The following CCDC180 variants were observed in gnomAD, a reference collection of about 807,000 sequenced individuals.
CCDC180 encodes the protein coiled-coil domain containing 180, also known as coiled-coil domain-containing protein 180.
CCDC180 carries 154 observed loss-of-function variants against 209.2 expected under a neutral mutation model. The observed-to-expected ratio is 0.74, with a 90% CI of 0.65 to 0.84. CCDC180 has a LOEUF of 0.84. Ranked by LOEUF, CCDC180 falls within the 40% of genes least tolerant of loss-of-function variation. CCDC180 has a pLI of 0.00. For missense variants in CCDC180, 1,874 were observed against 1,997.3 expected (o/e 0.94, Z 1.18); for synonymous variants, 778 against 749.1 (o/e 1.04, Z -0.63).
chr9:97,330,040 C>G (rs1214574591), intron 16 of CCDC180, 114 bp from the exon 17 acceptor site: 1 of 904,138 alleles, frequency 1.1e-6, no homozygotes, highest in African/African-American at 1.8e-5. Context: ...TGCACTCCAG[C>G]CTTGGCAACA....
chr9:97,364,232 AG>A, intron 29 of CCDC180, 104 bp downstream of exon 29: 2 of 1,059,380 alleles, frequency 1.9e-6, no homozygotes, highest in Non-Finnish European at 2.8e-6. Flanking sequence ...GGGGAAAGGC[AG>A]GTCCAAGCAG....
intron 29 of CCDC180, 89 bp downstream of exon 29, chr9:97,364,217 A>C: frequency 7.9e-7 from 1 of 1,269,050 alleles, no homozygotes; most frequent in South Asian, 1.3e-5. Flanking sequence ...GGGAAAAATC[A>C]GAAAGGGGAA....
chr9:97,309,892 C>A (rs1022240176), intron 3 of CCDC180, among the ~76,000 whole-genome samples: 1 of 152,192 alleles, frequency 6.6e-6, no homozygotes, highest in Non-Finnish European at 1.5e-5. Flanking sequence ...GCACATCCCC[C>A]CAATGGCAGA....
In CCDC180 at chr9:97,366,169, G is replaced by A. The variant is rs1247991740; in HGVS notation, c.4048-390G>A. Among the ~76,000 whole-genome samples the A allele has an allele frequency of 6.6e-6, 1 of 152,244 alleles. No homozygotes were observed. On this transcript the variant is annotated intron_variant, in intron 30 of 36. Coordinates refer to ENST00000529487, the MANE Select transcript of CCDC180 (RefSeq NM_020893.6). The surrounding 1 kb of genome is among the most constrained non-coding windows in gnomAD (Gnocchi z 4.3). ...GCCTTCTCCTGTCTGCCTCCCACGG[G>A]TCTGTCTGCCTCCTTCAGGGCAGGG...
Position 97,322,926 on chromosome 9 carries a change from G to A in CCDC180, c.1248+5G>A, listed in dbSNP as rs759818917. On this transcript the variant is annotated splice_donor_5th_base_variant and intron_variant, in intron 12 of 36. Transcript: ENST00000529487. Reference sequence around the variant, plus strand: ...ATGCATGTGCAGAATTGTAAGGTGGGCACCCTTCCTGCAGGCCTGAGAAGA... The same window carrying A: ...ATGCATGTGCAGAATTGTAAGGTGGACACCCTTCCTGCAGGCCTGAGAAGA... The A allele has an allele frequency of 6.8e-6, 11 of 1,612,642 alleles. No individual in the cohort carries two copies. The highest frequency in any genetic ancestry group is 1.3e-5 in the African/African-American group (1 of 74,878).
At chr9:97,375,658 C>T (rs895776442) in intron 36 of CCDC180, 69 bp downstream of exon 36, 36 of 1,595,424 alleles carry the variant, frequency 2.3e-5, no homozygotes, top group South Asian at 1.0e-4. Context: ...GAAGGGGGAG[C>T]TTCCCATCAC....
chr9:97,330,179 A>G lies in CCDC180; in HGVS notation c.1814A>G (p.Lys605Arg), dbSNP rs1825691415. 6.2e-7 allele frequency: 1 copy of G among 1,613,950 alleles called. No homozygotes were observed. The highest frequency in any genetic ancestry group is 1.7e-5 in the Admixed American group (1 of 60,000). ...EQNLAGEVIF[K>R]FRQPEAHEKP... ...AACTTGGCTGGAGAAGTCATTTTCA[A>G]ATTCAGGCAACCAGGTAACACTTTT... is the stretch of plus-strand genomic sequence containing the variant. The change falls in exon 17 of 37, where the codon AAA becomes AGA. Residue 605 changes from lysine to arginine, a missense_variant. Coordinates refer to ENST00000529487, the MANE Select transcript of CCDC180 (RefSeq NM_020893.6).
chr9:97,368,496 C>T (rs960712947), intron 31 of CCDC180, among the ~76,000 whole-genome samples: 1 of 152,152 alleles, frequency 6.6e-6, no homozygotes, highest in Non-Finnish European at 1.5e-5. Context: ...TCTGTCCCTC[C>T]ATAAGACAGA....
At chr9:97,334,343 T>C (rs1825840086) in intron 18 of CCDC180, among the ~76,000 whole-genome samples, 1 of 152,228 alleles carries the variant, frequency 6.6e-6, no homozygotes, top group Admixed American at 6.5e-5. Context: ...GGACTTTACA[T>C]GGATTACATG....
intron 18 of CCDC180, among the ~76,000 whole-genome samples, chr9:97,331,644 AATG>A (rs1564156835): frequency 6.6e-6 from 1 of 152,102 alleles, no homozygotes. Context: ...GCATTTCTCT[AATG>A]ATTAGTGATG....
In CCDC180 at chr9:97,354,882, C is replaced by G. The variant is rs753937865; in HGVS notation, c.3148-10C>G. 4 of 1,600,304 alleles carry G rather than the reference C, an allele frequency of 2.5e-6. No individual in the cohort carries two copies. In the East Asian group the frequency reaches 8.9e-5, roughly 36 times the overall value. Reference sequence around the variant, plus strand: ...AGCCCCTGTCCTTTACCCTTTATCTCTCTGTACAGGCCAATGATGTCATCA... The same window carrying G: ...AGCCCCTGTCCTTTACCCTTTATCTGTCTGTACAGGCCAATGATGTCATCA... On this transcript the variant is annotated splice_polypyrimidine_tract_variant and intron_variant, in intron 23 of 36. Transcript: ENST00000529487.
chr9:97,324,316 C>T (rs1833456467), intron 13 of CCDC180, among the ~76,000 whole-genome samples: 1 of 152,210 alleles, frequency 6.6e-6, no homozygotes, highest in South Asian at 2.1e-4. Flanking sequence ...TCAGCTCCAC[C>T]AGTGCCACAC....
chr9:97,308,140 C>A lies in CCDC180; in HGVS notation c.69+8C>A. ...CAGATCTTCCAGGCTGAGGTAGGAG[C>A]CGCCCTCTGTCCCGCTTTTCTCCAT... On this transcript the variant is annotated splice_region_variant and intron_variant, in intron 2 of 36. Coordinates refer to ENST00000529487, the MANE Select transcript of CCDC180 (RefSeq NM_020893.6). The A allele has an allele frequency of 6.3e-7, 1 of 1,587,780 alleles. No individual in the cohort carries two copies. The highest frequency in any genetic ancestry group is 1.2e-5 in the South Asian group (1 of 86,504).
At chr9:97,310,278 C>T (rs1181609274) in intron 3 of CCDC180, among the ~76,000 whole-genome samples, 3 of 152,148 alleles carry the variant, frequency 2.0e-5, no homozygotes, top group Non-Finnish European at 4.4e-5. Flanking sequence ...AGCTGTGGGC[C>T]TCGGGTGTCT....
chr9:97,370,688 T>C lies in CCDC180; in HGVS notation c.4398T>C (p.His1466=). Residue 1466 remains histidine (H), a synonymous_variant, in exon 33 of 37, where the codon CAT becomes CAC. Coordinates refer to ENST00000529487, the MANE Select transcript of CCDC180 (RefSeq NM_020893.6). ...ATCTAAATCTTGGACACCCCGTACA[T>C]TTCCAAGAAATGGAGTCTCTACACT... ...KLHLNLGHPV[H]FQEMESLHLS... The C allele has an allele frequency of 6.2e-7, 1 of 1,614,112 alleles. No homozygotes were observed. Among genetic ancestry groups the C allele is most frequent in the Non-Finnish European group, 8.5e-7 (1 of 1,180,008 alleles).
intron 34 of CCDC180, chr9:97,371,945 T>C (rs376099590): frequency 1.3e-5 from 4 of 313,838 alleles, no homozygotes; most frequent in South Asian, 1.3e-4. Flanking sequence ...CTCTTGGGGT[T>C]AGGGATACCT....
Position 97,309,527 on chromosome 9 carries a change from G to A in CCDC180, c.183G>A (p.Glu61=). 1.2e-6 allele frequency: 2 copies of A among 1,601,778 alleles called. No homozygotes were observed. The highest frequency in any genetic ancestry group is 8.5e-7 in the Non-Finnish European group (1 of 1,174,616). The stretch of plus-strand genomic sequence containing the variant: ...AGAAGGTGGAGACTCCTGAAGGGGA[G>A]GTGATGTCTCCCCGACAGCAGAAGT... ...MMKKVETPEG[E]VMSPRQQKWM... The change falls in exon 3 of 37, where the codon GAG becomes GAA. Residue 61 remains glutamate, a synonymous_variant. Transcript: ENST00000529487.
At chr9:97,315,156 C>T (rs1833124678) in intron 8 of CCDC180, among the ~76,000 whole-genome samples, 1 of 152,168 alleles carries the variant, frequency 6.6e-6, no homozygotes, top group African/African-American at 2.4e-5. Flanking sequence ...AGAGATCTTT[C>T]TAAAGTACAT....
In CCDC180 at chr9:97,370,084, T is replaced by A; in HGVS notation, c.4350+2T>A. 1 of 1,612,946 alleles carries A rather than the reference T, an allele frequency of 6.2e-7. No individual in the cohort carries two copies. Among genetic ancestry groups the A allele is most frequent in the Non-Finnish European group, 8.5e-7 (1 of 1,179,662 alleles). ...CAGAAGCGGCTGGAGAAAAGAAAGG[T>A]GAGGGCCCCAGGACCAGCCCTTCCA... On this transcript the variant is annotated splice_donor_variant, in intron 32 of 36. Transcript: ENST00000529487. LOFTEE classifies it high-confidence loss of function.
Sources: allele counts gnomAD v4.1 joint callset (sites outside exome capture counted in the v4.1 genomes callset), GRCh38; gene constraint gnomAD v4.1.1; non-coding constraint Gnocchi (gnomAD v3.1); transcripts MANE v1.5; gene names NCBI Gene and HGNC (gene_info 2026-07-23, HGNC 2026-07-21).